The following RANBP2 variants were observed in gnomAD, a reference collection of about 807,000 sequenced individuals.
RANBP2 encodes E3 SUMO-protein ligase RanBP2.
Under a neutral mutation model 303.6 loss-of-function variants are expected in RANBP2, and 57 were observed. That is an observed-to-expected ratio of 0.19 (90% CI 0.15 to 0.23). The LOEUF is 0.23. Among genes scored for constraint, RANBP2 ranks in the 10% least tolerant of loss-of-function variants. The pLI is 1.00. For missense variants in RANBP2, 3,138 were observed against 3,780.8 expected (o/e 0.83, Z 4.46); for synonymous variants, 1,167 against 1,301.5 (o/e 0.90, Z 2.23).
the RANBP2 span, among the ~76,000 whole-genome samples, chr2:109,674,410 CA>C: frequency 1.3e-3 from 95 of 75,262 alleles, no homozygotes; most frequent in Non-Finnish European, 1.9e-3. Flanking sequence ...CTTGTGTCTC[CA>C]AAAAAAAAAA....
At chr2:109,128,829 A>G in the RANBP2 span, 2 of 227,240 alleles carry the variant, frequency 8.8e-6, no homozygotes, top group East Asian at 3.7e-4. Flanking sequence ...AGGCAGGGCC[A>G]AGCCTGCGCA....
the RANBP2 span, among the ~76,000 whole-genome samples, chr2:109,422,296 G>A: frequency 6.6e-6 from 1 of 152,208 alleles, no homozygotes; most frequent in African/African-American, 2.4e-5. Context: ...AGTCAGCCAT[G>A]GAATGACTTC....
At chr2:109,200,816 T>C in the RANBP2 span, among the ~76,000 whole-genome samples, 1 of 152,154 alleles carries the variant, frequency 6.6e-6, no homozygotes, top group African/African-American at 2.4e-5. Flanking sequence ...GGGCCCTGAG[T>C]TCACAGGACA....
At chr2:109,116,928 G>A in the RANBP2 span, among the ~76,000 whole-genome samples, 40 of 152,308 alleles carry the variant, frequency 2.6e-4, no homozygotes, top group South Asian at 6.2e-4. Flanking sequence ...TAACAGCAGC[G>A]GTGGCTGCAG....
chr2:109,510,848 G>A, the RANBP2 span, among the ~76,000 whole-genome samples: 1 of 152,346 alleles, frequency 6.6e-6, no homozygotes, highest in South Asian at 2.1e-4. Context: ...GCGGCAGAGA[G>A]CAAAGGTGGG....
At chr2:109,073,274 T>C in the RANBP2 span, among the ~76,000 whole-genome samples, 1 of 151,946 alleles carries the variant, frequency 6.6e-6, no homozygotes, top group Non-Finnish European at 1.5e-5. Flanking sequence ...CAGAAAAATT[T>C]AATAGAGGGG....
the RANBP2 span, among the ~76,000 whole-genome samples, chr2:109,303,299 C>T: frequency 6.6e-6 from 1 of 152,236 alleles, no homozygotes; most frequent in Non-Finnish European, 1.5e-5. Context: ...AACGTCCATC[C>T]ATGTGAGGAA....
chr2:109,608,493 T>C, the RANBP2 span, among the ~76,000 whole-genome samples: 2 of 152,202 alleles, frequency 1.3e-5, no homozygotes, highest in Non-Finnish European at 2.9e-5. Flanking sequence ...TTCTACCTTA[T>C]CTTTGGTAAG....
At chr2:109,501,442 A>G in the RANBP2 span, 2 of 704,658 alleles carry the variant, frequency 2.8e-6, no homozygotes, top group Admixed American at 3.8e-5. Flanking sequence ...AAGAAGAGAA[A>G]GCACGACCCA....
the RANBP2 span, among the ~76,000 whole-genome samples, chr2:109,594,443 T>A: frequency 6.6e-6 from 1 of 152,150 alleles, no homozygotes; most frequent in Non-Finnish European, 1.5e-5. Flanking sequence ...ATATAAATGG[T>A]AGCTGTCTAC....
the RANBP2 span, among the ~76,000 whole-genome samples, chr2:109,565,068 T>C: frequency 1.3e-3 from 195 of 152,328 alleles, no homozygotes; most frequent in African/African-American, 4.5e-3. Context: ...CCTTCTTCTA[T>C]GTTTACGGTG....
the RANBP2 span, among the ~76,000 whole-genome samples, chr2:109,485,859 A>G: frequency 2.0e-5 from 3 of 152,252 alleles, no homozygotes; most frequent in African/African-American, 7.2e-5. Flanking sequence ...GGGCTGCAGC[A>G]CAGCCTCATC....
chr2:109,164,990 A>G, the RANBP2 span, among the ~76,000 whole-genome samples: 1 of 152,182 alleles, frequency 6.6e-6, no homozygotes, highest in East Asian at 1.9e-4. Flanking sequence ...CTTCTTAGTC[A>G]TCGTCTTCCT....
At chr2:109,662,258 C>T in the RANBP2 span, among the ~76,000 whole-genome samples, 1 of 152,082 alleles carries the variant, frequency 6.6e-6, no homozygotes, top group East Asian at 1.9e-4. Context: ...AAGATCTTCC[C>T]ACCTTCTCTG....
chr2:109,402,501 A>G, the RANBP2 span, among the ~76,000 whole-genome samples: 1 of 152,204 alleles, frequency 6.6e-6, no homozygotes, highest in Non-Finnish European at 1.5e-5. Context: ...GGAAACGTGG[A>G]GTGGACAGAG....
chr2:108,853,914 G>A, the RANBP2 span, among the ~76,000 whole-genome samples: 26 of 109,604 alleles, frequency 2.4e-4, 1 homozygote, highest in African/African-American at 9.4e-4. Flanking sequence ...ATATTATATA[G>A]TATATATATT....
At chr2:108,746,674 A>G in intron 7 of RANBP2, 37 bp from the exon 8 acceptor site, 6 of 872,412 alleles carry the variant, frequency 6.9e-6, no homozygotes, top group Non-Finnish European at 1.1e-5. Flanking sequence ...AAGTATGGGT[A>G]TCATCAAATT....
chr2:109,192,957 G>A, the RANBP2 span, among the ~76,000 whole-genome samples: 124,547 of 152,240 alleles, frequency 0.82, 51,076 homozygotes, highest in East Asian at 0.89. Flanking sequence ...TGTTTTGCAA[G>A]AAGAAGAGGT....
the RANBP2 span, among the ~76,000 whole-genome samples, chr2:109,343,742 T>TC: frequency 1.5e-5 from 2 of 132,864 alleles, no homozygotes; most frequent in Admixed American, 7.8e-5. Flanking sequence ...TGCCCTGGTT[T>TC]CCTTTTTTTT....
Sources: allele counts gnomAD v4.1 joint callset (sites outside exome capture counted in the v4.1 genomes callset), GRCh38; gene constraint gnomAD v4.1.1; transcripts MANE v1.5; gene names NCBI Gene and HGNC (gene_info 2026-07-23, HGNC 2026-07-21).